RASA2: variants seen among roughly 807,000 people sequenced by gnomAD.
RASA2 encodes ras GTPase-activating protein 2.
A neutral mutation model predicts 118.2 loss-of-function variants in RASA2; 155 were observed. The ratio of observed to expected loss-of-function variants is 1.31; its 90% CI spans 1.15 to 1.50. The LOEUF (loss-of-function observed/expected upper bound fraction) is 1.50, where lower values mean the gene tolerates loss of function less well. Ranked by LOEUF, RASA2 falls within the 40% of genes most tolerant of loss-of-function variation. The pLI is 0.00. For missense variants in RASA2, 1,016 were observed against 1,009.6 expected, an observed-to-expected ratio of 1.01 and a Z score of -0.09; for synonymous variants, 353 against 349.1, an observed-to-expected ratio of 1.01 and a Z score of -0.12.
rs137978242 is a variant in RASA2 at position 141,505,097 on chromosome 3, C to T, written c.134-7066C>T. Among the ~76,000 whole-genome samples the T allele has an allele frequency of 5.3e-4, 81 of 152,264 alleles. 1 individual carries two copies. The East Asian group carries it at 0.015, about 29-fold the overall frequency. ...GTCTCTACCCTCTGGGCCTGCCATT[C>T]CCTAACTCTCTTAACCTGCTTTGTT... is the stretch of plus-strand genomic sequence containing the variant. On this transcript the variant is annotated intron_variant, in intron 1 of 23. Transcript: ENST00000286364.
chr3:141,500,688 G>A (rs2081765992), intron 1 of RASA2, among the ~76,000 whole-genome samples: 1 of 152,068 alleles, frequency 6.6e-6, no homozygotes, highest in Non-Finnish European at 1.5e-5. Flanking sequence ...TTTTCTTAAT[G>A]GATAACTTAT....
At chr3:141,567,206 A>C (rs949581224) in intron 9 of RASA2, among the ~76,000 whole-genome samples, 1 of 152,046 alleles carries the variant, frequency 6.6e-6, no homozygotes, top group African/African-American at 2.4e-5. Context: ...ACCTGAGGTC[A>C]GGAGTTCAAG....
intron 16 of RASA2, 59 bp from the exon 17 acceptor site, chr3:141,581,041 C>A (rs2083105625): frequency 7.0e-7 from 1 of 1,424,046 alleles, no homozygotes; most frequent in Non-Finnish European, 9.2e-7. Flanking sequence ...AAAATACAGT[C>A]CATTCTATTC....
At chr3:141,520,013 T>C (rs868639076) in intron 3 of RASA2, among the ~76,000 whole-genome samples, 36 of 97,866 alleles carry the variant, frequency 3.7e-4, no homozygotes, top group South Asian at 3.1e-3. Flanking sequence ...CTTTTTCTCT[T>C]TTTTTTTTTT....
chr3:141,585,762 T>G (rs2083191195), intron 17 of RASA2, among the ~76,000 whole-genome samples: 1 of 152,216 alleles, frequency 6.6e-6, no homozygotes, highest in Admixed American at 6.5e-5. Flanking sequence ...ATTGCACCAC[T>G]GCACTCCAGC....
At chr3:141,537,661 C>T (rs991938585) in intron 4 of RASA2, among the ~76,000 whole-genome samples, 2 of 151,942 alleles carry the variant, frequency 1.3e-5, no homozygotes, top group African/African-American at 2.4e-5. Flanking sequence ...CCCAGCTACT[C>T]GGGAGGCTGA....
chr3:141,535,986 C>T (rs550230609), intron 4 of RASA2, among the ~76,000 whole-genome samples: 2 of 152,154 alleles, frequency 1.3e-5, no homozygotes, highest in South Asian at 4.2e-4. Flanking sequence ...TATATGGTAC[C>T]AAGAATATAT....
chr3:141,504,575 G>A (rs1233616047), intron 1 of RASA2, among the ~76,000 whole-genome samples: 2 of 152,022 alleles, frequency 1.3e-5, no homozygotes, highest in Non-Finnish European at 2.9e-5. Flanking sequence ...CTCCAGACCC[G>A]TGTCTGCTCT....
At chr3:141,573,922 T>C in intron 13 of RASA2, 22 bp from the exon 14 acceptor site, 1 of 1,558,780 alleles carries the variant, frequency 6.4e-7, no homozygotes, top group Non-Finnish European at 8.7e-7. Context: ...AATCTTAATG[T>C]TTACCTTTTT....
chr3:141,580,456 G>GT lies in RASA2; in HGVS notation c.1674+6dup. On this transcript the variant is annotated splice_donor_region_variant and intron_variant, in intron 16 of 23. Transcript: ENST00000286364. The stretch of plus-strand genomic sequence containing the variant: ...GGGAGTCTGTCCAAAAGCAAGGTAA[G>GT]TCCTTACATCTTTTATTTTGTTTTT... The GT allele has an allele frequency of 1.3e-6, 2 of 1,578,826 alleles. No homozygotes were observed. The highest frequency in any genetic ancestry group is 1.7e-6 in the Non-Finnish European group (2 of 1,151,896).
chr3:141,590,021 C>A, intron 19 of RASA2: 4 of 423,836 alleles, frequency 9.4e-6, no homozygotes, highest in South Asian at 6.8e-5. Context: ...TATGAAGTTT[C>A]AAGCTTATTT....
intron 5 of RASA2, among the ~76,000 whole-genome samples, chr3:141,541,995 A>G (rs1486979854): frequency 6.6e-6 from 1 of 151,988 alleles, no homozygotes; most frequent in Non-Finnish European, 1.5e-5. Context: ...AGTCATTTGA[A>G]ATATAGTTAG....
intron 1 of RASA2, among the ~76,000 whole-genome samples, chr3:141,495,606 CATT>C (rs199898435): frequency 0.022 from 3,365 of 152,218 alleles, 136 homozygotes; most frequent in African/African-American, 0.075. Context: ...GTATTTTCCT[CATT>C]GTTGTTGTGA....
chr3:141,609,645 A>C, intron 22 of RASA2, 122 bp downstream of exon 22: 1 of 908,462 alleles, frequency 1.1e-6, no homozygotes, highest in Non-Finnish European at 1.6e-6. Flanking sequence ...ATTTATTGAA[A>C]GTTGACAAAC....
intron 1 of RASA2, among the ~76,000 whole-genome samples, chr3:141,493,831 T>C (rs1268678134): frequency 1.3e-5 from 2 of 151,266 alleles, no homozygotes; most frequent in Admixed American, 6.6e-5. Flanking sequence ...ATCCTTTTTG[T>C]TGTGTGTTCT....
In RASA2 at chr3:141,572,061, T is replaced by TATATATATATAC. The variant is rs1250945462; in HGVS notation, c.1169+508_1169+509insTATATATATACA. Among the ~76,000 whole-genome samples the TATATATATATAC allele has an allele frequency of 5.1e-5, 5 of 98,244 alleles. No individual in the cohort carries two copies. The East Asian group carries it at 8.6e-4, about 17-fold the overall frequency. 64.5% of individuals were successfully genotyped at this position (98,244 alleles called of 152,430 possible). Reference sequence around the variant, plus strand: ...ATATATATATATATATATATATATATACACACACACACACACATATGTATT... The same window carrying TATATATATATAC: ...ATATATATATATATATATATATATATATATATATATACACACACACACACACACATATGTATT... On this transcript the variant is annotated intron_variant, in intron 11 of 23. Transcript: ENST00000286364.
chr3:141,507,222 G>T (rs932925990), intron 1 of RASA2, among the ~76,000 whole-genome samples: 1 of 152,148 alleles, frequency 6.6e-6, no homozygotes, highest in Non-Finnish European at 1.5e-5. Context: ...CGTGTAGCCG[G>T]TGGATTTACC....
chr3:141,495,441 C>T (rs956138076), intron 1 of RASA2, among the ~76,000 whole-genome samples: 5 of 151,850 alleles, frequency 3.3e-5, no homozygotes, highest in African/African-American at 4.8e-5. Context: ...ATAAAGGATA[C>T]GAATAGGCAT....
intron 17 of RASA2, among the ~76,000 whole-genome samples, chr3:141,584,305 T>A (rs1298181572): frequency 8.5e-6 from 1 of 117,166 alleles, no homozygotes; most frequent in Non-Finnish European, 1.6e-5. Context: ...CGCTCCAGCC[T>A]GGGCGACAGA....
Sources: gnomAD v4.1 joint callset for allele counts (sites outside exome capture counted in the v4.1 genomes callset) on GRCh38, gnomAD v4.1.1 for gene constraint, MANE v1.5 for transcripts, NCBI Gene and HGNC (gene_info 2026-07-23, HGNC 2026-07-21) for gene names.